The following PRKG1 variants were observed in gnomAD, a reference collection of about 807,000 sequenced individuals.
PRKG1 encodes protein kinase cGMP-dependent 1.
Under a neutral mutation model 88.1 loss-of-function variants are expected in PRKG1, and 35 were observed. The observed-to-expected ratio is 0.40, with a 90% confidence interval of 0.30 to 0.53. The LOEUF (loss-of-function observed/expected upper bound fraction) is 0.53. PRKG1 is among the 20% of genes least tolerant of loss of function. PRKG1 has a pLI of 0.59. For synonymous variants in PRKG1, 303 were observed against 292.5 expected, an observed-to-expected ratio of 1.04 and a Z score of -0.37; for missense variants, 540 against 839.8, an observed-to-expected ratio of 0.64 and a Z score of 4.41.
At chr10:51,286,489 A>G (rs1026848774) in intron 2 of PRKG1, among the ~76,000 whole-genome samples, 1 of 152,086 alleles carries the variant, frequency 6.6e-6, no homozygotes, top group Non-Finnish European at 1.5e-5. Context: ...AAAATATTAT[A>G]TATTCTAACT....
At chr10:51,227,332 C>A (rs569655137) in intron 2 of PRKG1, among the ~76,000 whole-genome samples, 1 of 152,122 alleles carries the variant, frequency 6.6e-6, no homozygotes, top group African/African-American at 2.4e-5. Context: ...AATATATTTT[C>A]TTCCCTAGGT....
At chr10:51,837,613 A>C (rs1056701622) in intron 4 of PRKG1, among the ~76,000 whole-genome samples, 8 of 152,184 alleles carry the variant, frequency 5.3e-5, no homozygotes, top group African/African-American at 1.9e-4. Context: ...TCTACTCTGG[A>C]AATCCTTCGT....
intron 2 of PRKG1, among the ~76,000 whole-genome samples, chr10:51,402,621 C>A (rs1484959862): frequency 6.6e-6 from 1 of 152,160 alleles, no homozygotes; most frequent in African/African-American, 2.4e-5. Context: ...GTATACCAGG[C>A]CTCTCCTGGT....
At chr10:51,261,579 T>G (rs562456407) in intron 2 of PRKG1, among the ~76,000 whole-genome samples, 1 of 152,230 alleles carries the variant, frequency 6.6e-6, no homozygotes, top group African/African-American at 2.4e-5. Context: ...TTATCCCATT[T>G]ATGCCAGGTA....
intron 3 of PRKG1, among the ~76,000 whole-genome samples, chr10:51,531,701 A>G (rs4935261): frequency 0.19 from 24,716 of 130,542 alleles, 2,765 homozygotes; most frequent in Admixed American, 0.34. Context: ...CTGGAGTGCA[A>G]TGGCACAATC....
chr10:51,780,717 A>T (rs566035399), intron 3 of PRKG1, among the ~76,000 whole-genome samples: 19 of 152,284 alleles, frequency 1.2e-4, no homozygotes, highest in African/African-American at 4.3e-4. Flanking sequence ...GATGCTGGAT[A>T]TTGTACTTGA....
chr10:51,034,686 A>ATATG (rs1843331580), intron 1 of PRKG1, among the ~76,000 whole-genome samples: 2 of 128,746 alleles, frequency 1.6e-5, no homozygotes, highest in Non-Finnish European at 3.4e-5. Flanking sequence ...ATATATATAT[A>ATATG]TATATATATA....
intron 3 of PRKG1, among the ~76,000 whole-genome samples, chr10:51,750,632 C>T (rs1564632509): frequency 1.3e-5 from 2 of 152,192 alleles, no homozygotes; most frequent in Admixed American, 6.5e-5. Context: ...TGAGAAGAAT[C>T]TCCATAGCTT....
At chr10:51,584,692 A>G (rs1164462998) in intron 3 of PRKG1, among the ~76,000 whole-genome samples, 1 of 152,082 alleles carries the variant, frequency 6.6e-6, no homozygotes, top group Non-Finnish European at 1.5e-5. Flanking sequence ...TACATGTTTT[A>G]TCATTTAATC....
intron 8 of PRKG1, 139 bp from the exon 9 acceptor site, chr10:52,161,747 GCTT>G (rs1424396393): frequency 1.4e-6 from 1 of 689,998 alleles, no homozygotes; most frequent in African/African-American, 1.8e-5. Flanking sequence ...TGTCTGACAT[GCTT>G]CTTATTAATG....
At chr10:51,055,203 G>C (rs1428757750) in intron 1 of PRKG1, among the ~76,000 whole-genome samples, 1 of 152,132 alleles carries the variant, frequency 6.6e-6, no homozygotes, top group Non-Finnish European at 1.5e-5. Context: ...AGCTTCATCA[G>C]TGTTCAATGG....
intron 1 of PRKG1, among the ~76,000 whole-genome samples, chr10:51,150,892 A>T (rs1335500482): frequency 6.6e-6 from 1 of 152,062 alleles, no homozygotes; most frequent in African/African-American, 2.4e-5. Context: ...AATCTTATTT[A>T]TGAGAGGGGA....
chr10:51,125,735 T>C (rs1035969848), intron 1 of PRKG1, among the ~76,000 whole-genome samples: 4 of 146,444 alleles, frequency 2.7e-5, no homozygotes, highest in Non-Finnish European at 6.0e-5. Context: ...ATAAATTATG[T>C]GTTTTTAAAT....
intron 1 of PRKG1, among the ~76,000 whole-genome samples, chr10:50,996,087 T>C (rs536055453): frequency 3.3e-5 from 5 of 152,308 alleles, no homozygotes; most frequent in African/African-American, 1.2e-4. Flanking sequence ...TAACTGATCA[T>C]GTGGAAAATA....
chr10:51,771,748 T>A (rs916449022), intron 3 of PRKG1, among the ~76,000 whole-genome samples: 2 of 152,164 alleles, frequency 1.3e-5, no homozygotes, highest in Non-Finnish European at 2.9e-5. Context: ...TGCTGAAACG[T>A]AGGTCCACCC....
In PRKG1 at chr10:51,793,927, A is replaced by G. The variant is rs145859370; in HGVS notation, c.593-10658A>G. Reference sequence around the variant, plus strand: ...CAGGCATAAGCCAACACATCCAGCTAGTTTTTTTGTATTTTTAGTAGAGAC... The same window carrying G: ...CAGGCATAAGCCAACACATCCAGCTGGTTTTTTTGTATTTTTAGTAGAGAC... On this transcript the variant is annotated intron_variant, in intron 3 of 17. Transcript: ENST00000373980. Among the ~76,000 whole-genome samples, 1,393 of 152,072 alleles carry G rather than the reference A, an allele frequency of 9.2e-3. 11 individuals are homozygous for G. The highest frequency in any genetic ancestry group is 0.014 in the Non-Finnish European group (943 of 67,978).
At chr10:51,704,051 T>G (rs1186606321) in intron 3 of PRKG1, among the ~76,000 whole-genome samples, 2 of 150,480 alleles carry the variant, frequency 1.3e-5, no homozygotes, top group African/African-American at 2.5e-5. Flanking sequence ...GGCCAAGGTT[T>G]GAGGATTGCT....
intron 5 of PRKG1, among the ~76,000 whole-genome samples, chr10:51,988,182 G>T (rs892999001): frequency 7.9e-5 from 12 of 151,754 alleles, no homozygotes; most frequent in African/African-American, 2.4e-4. Context: ...GCATAATATT[G>T]TTTGGTATGT....
chr10:51,092,833 C>G (rs970282408), intron 1 of PRKG1, among the ~76,000 whole-genome samples: 2 of 152,222 alleles, frequency 1.3e-5, no homozygotes, highest in Middle Eastern at 3.4e-3. Context: ...GATTCAGTTA[C>G]AGATTTTTAT....
Sources: gnomAD v4.1 joint callset for allele counts (sites outside exome capture counted in the v4.1 genomes callset) on GRCh38, gnomAD v4.1.1 for gene constraint, MANE v1.5 for transcripts, NCBI Gene and HGNC (gene_info 2026-07-23, HGNC 2026-07-21) for gene names.